The following NCAM2 variants were observed in gnomAD, a reference collection of about 807,000 sequenced individuals.
NCAM2 encodes N-CAM-2.
Under a neutral mutation model 98.1 loss-of-function variants are expected in NCAM2, and 30 were observed. The ratio of observed to expected loss-of-function variants is 0.31; its 90% CI spans 0.23 to 0.41. The LOEUF (loss-of-function observed/expected upper bound fraction) is 0.41. Ranked by LOEUF, NCAM2 falls within the 10% of genes least tolerant of loss-of-function variation. NCAM2 has a pLI of 1.00. For missense variants in NCAM2, 867 were observed against 1,005.8 expected (o/e 0.86, Z 1.87); for synonymous variants, 368 against 342.4 (o/e 1.07, Z -0.83).
In NCAM2 at chr21:21,508,923, T is replaced by C; in HGVS notation, c.2150T>C (p.Val717Ala). 6.2e-7 allele frequency: 1 copy of C among 1,609,490 alleles called. No homozygotes were observed. Among genetic ancestry groups the C allele is most frequent in the Non-Finnish European group, 8.5e-7 (1 of 1,178,752 alleles). Reference protein sequence around the residue: ...LGVAALLLILVVTDVSCFFIR... With the variant: ...LGVAALLLILAVTDVSCFFIR... ...GTTGCTGCACTGCTGCTAATTCTTG[T>C]GGTAACAGACGTCAGCTGCTTCTTT... is the stretch of plus-strand genomic sequence containing the variant. Residue 717 changes from valine to alanine, a missense_variant, in exon 16 of 18, where the codon GTG (valine) becomes GCG (alanine). Transcript: ENST00000400546.
intron 9 of NCAM2, among the ~76,000 whole-genome samples, chr21:21,401,794 C>T (rs1164798355): frequency 6.6e-6 from 1 of 152,018 alleles, no homozygotes; most frequent in African/African-American, 2.4e-5. Context: ...AATTGAAGTT[C>T]CTTTGGACAT....
At chr21:21,102,502 T>C (rs1030365935) in intron 1 of NCAM2, among the ~76,000 whole-genome samples, 1 of 151,966 alleles carries the variant, frequency 6.6e-6, no homozygotes. Context: ...ATTCATAAAA[T>C]TTTTTGGCAC....
At chr21:21,215,645 T>G (rs2069866796) in intron 1 of NCAM2, among the ~76,000 whole-genome samples, 1 of 152,114 alleles carries the variant, frequency 6.6e-6, no homozygotes, top group African/African-American at 2.4e-5. Flanking sequence ...GGAGGTTTGC[T>G]TGATCCCGGG....
chr21:21,020,555 A>G (rs965852187), intron 1 of NCAM2, among the ~76,000 whole-genome samples: 1 of 152,188 alleles, frequency 6.6e-6, no homozygotes, highest in African/African-American at 2.4e-5. Context: ...ACCACAGCAC[A>G]AGCACAGATG....
chr21:21,112,113 C>T (rs1443228044), intron 1 of NCAM2, among the ~76,000 whole-genome samples: 1 of 152,066 alleles, frequency 6.6e-6, no homozygotes, highest in African/African-American at 2.4e-5. Flanking sequence ...TTTTCCTCTT[C>T]TCTGTTAAAA....
chr21:21,423,473 A>G (rs2077153833), intron 11 of NCAM2, among the ~76,000 whole-genome samples: 1 of 152,204 alleles, frequency 6.6e-6, no homozygotes, highest in African/African-American at 2.4e-5. Flanking sequence ...TTTAGTTATT[A>G]TACATCAATC....
chr21:21,440,571 C>G (rs1602348725), intron 12 of NCAM2, among the ~76,000 whole-genome samples: 1 of 152,086 alleles, frequency 6.6e-6, no homozygotes, highest in African/African-American at 2.4e-5. Flanking sequence ...GTCCCAGCTA[C>G]TCTGGAGGCT....
intron 1 of NCAM2, among the ~76,000 whole-genome samples, chr21:21,068,741 G>A (rs1435919539): frequency 6.6e-6 from 1 of 152,142 alleles, no homozygotes; most frequent in Non-Finnish European, 1.5e-5. Flanking sequence ...TGTATGCAAT[G>A]ACCAATGACT....
At chr21:21,389,091 C>T (rs1053890456) in intron 9 of NCAM2, among the ~76,000 whole-genome samples, 3 of 152,084 alleles carry the variant, frequency 2.0e-5, no homozygotes, top group East Asian at 3.9e-4. Flanking sequence ...TCTGTTCTCA[C>T]GTTGCTAATA....
intron 1 of NCAM2, among the ~76,000 whole-genome samples, chr21:21,011,338 G>C (rs1366008283): frequency 6.6e-6 from 1 of 152,022 alleles, no homozygotes; most frequent in African/African-American, 2.4e-5. Context: ...TCATTTCACT[G>C]ATGGAAACAT....
intron 5 of NCAM2, among the ~76,000 whole-genome samples, chr21:21,297,036 AG>A (rs2073513145): frequency 6.6e-6 from 1 of 151,998 alleles, no homozygotes; most frequent in Non-Finnish European, 1.5e-5. Context: ...GCTAAAAAAA[AG>A]TTAAAGACCT....
At chr21:21,134,034 T>G (rs2146623804) in intron 1 of NCAM2, among the ~76,000 whole-genome samples, 1 of 151,038 alleles carries the variant, frequency 6.6e-6, no homozygotes, top group East Asian at 2.0e-4. Context: ...CTGTGGCCCT[T>G]ATCTTCACAC....
intron 1 of NCAM2, among the ~76,000 whole-genome samples, chr21:21,120,899 G>A (rs977508241): frequency 6.6e-6 from 1 of 151,784 alleles, no homozygotes. Flanking sequence ...TTTATTTTTA[G>A]TAGAGATGGG....
At chr21:21,469,854 G>A (rs2826856) in intron 14 of NCAM2, among the ~76,000 whole-genome samples, 26,414 of 151,872 alleles carry the variant, frequency 0.17, 2,606 homozygotes, top group Non-Finnish European at 0.22. Flanking sequence ...TCATACTCAA[G>A]TGAGGTCTCC....
At chr21:21,109,101 A>C (rs2066405430) in intron 1 of NCAM2, among the ~76,000 whole-genome samples, 1 of 152,182 alleles carries the variant, frequency 6.6e-6, no homozygotes, top group Non-Finnish European at 1.5e-5. Flanking sequence ...CTGTGAAAAG[A>C]TCAGTCATAA....
chr21:21,244,630 C>T (rs1207371177), intron 1 of NCAM2, among the ~76,000 whole-genome samples: 2 of 151,896 alleles, frequency 1.3e-5, no homozygotes, highest in East Asian at 1.9e-4. Flanking sequence ...AGTTGGATCA[C>T]GAGGTCAAGA....
rs904057519 is a variant in NCAM2 at position 21,512,375 on chromosome 21, A to G, written c.2282+3320A>G. 5.9e-5 allele frequency among the ~76,000 whole-genome samples: 9 copies of G among 152,078 alleles called. No homozygotes were observed. In the Middle Eastern group the frequency reaches 0.017, roughly 287 times the overall value. On this transcript the variant is annotated intron_variant, in intron 16 of 17. Transcript: ENST00000400546. ...CCCTATCTCCAATGTCTTGGCAGCTATGTTAAAAATAACTCTACTGTAAAT... is the reference window on the plus strand; with the variant it reads ...CCCTATCTCCAATGTCTTGGCAGCTGTGTTAAAAATAACTCTACTGTAAAT...
chr21:21,355,567 A>C (rs940880320), intron 8 of NCAM2, among the ~76,000 whole-genome samples: 4 of 150,970 alleles, frequency 2.6e-5, no homozygotes, highest in Non-Finnish European at 5.9e-5. Flanking sequence ...GAAAGAAGGA[A>C]GGAAGGAAGG....
rs566034149 is a variant in NCAM2 at position 21,450,186 on chromosome 21, T to G, written c.1655-16420T>G. Among the ~76,000 whole-genome samples the G allele has an allele frequency of 1.4e-4, 22 of 152,066 alleles. No homozygotes were observed. The Middle Eastern group carries it at 0.01, about 71-fold the overall frequency. ...CTAATCAAATAATATAAATTACAATTTAAATAATCACACTGAATAAATGAT... is the reference window on the plus strand; with the variant it reads ...CTAATCAAATAATATAAATTACAATGTAAATAATCACACTGAATAAATGAT... On this transcript the variant is annotated intron_variant, in intron 12 of 17. Transcript: ENST00000400546.
Sources: allele counts gnomAD v4.1 joint callset (sites outside exome capture counted in the v4.1 genomes callset), GRCh38; gene constraint gnomAD v4.1.1; transcripts MANE v1.5; gene names NCBI Gene and HGNC (gene_info 2026-07-23, HGNC 2026-07-21).